The following AGBL4 variants were observed in gnomAD, a reference collection of about 807,000 sequenced individuals.
AGBL4 encodes AGBL carboxypeptidase 4, also known as cytosolic carboxypeptidase 6.
AGBL4 carries 58 observed loss-of-function variants against 66.4 expected under a neutral mutation model. The ratio of observed to expected loss-of-function variants is 0.87; its 90% CI spans 0.71 to 1.09. The LOEUF (loss-of-function observed/expected upper bound fraction) is 1.09, where lower values mean the gene tolerates loss of function less well. AGBL4 is among the 50% of genes least tolerant of loss of function. The pLI is 0.00. For missense variants in AGBL4, 579 were observed against 631.0 expected (o/e 0.92, Z 0.88); for synonymous variants, 234 against 222.9 (o/e 1.05, Z -0.44).
intron 1 of AGBL4, among the ~76,000 whole-genome samples, chr1:49,964,655 C>G (rs997149026): frequency 1.3e-5 from 2 of 151,950 alleles, no homozygotes; most frequent in African/African-American, 4.8e-5. Context: ...ACTACTTAAA[C>G]AGTAGATAAT....
chr1:49,773,267 C>T (rs1322936099), intron 2 of AGBL4, among the ~76,000 whole-genome samples: 1 of 152,096 alleles, frequency 6.6e-6, no homozygotes, highest in African/African-American at 2.4e-5. Context: ...TTGTCCTTAT[C>T]GTCTTGTTAG....
chr1:49,012,044 A>T (rs1331059027), intron 5 of AGBL4, among the ~76,000 whole-genome samples: 4 of 151,698 alleles, frequency 2.6e-5, no homozygotes, highest in African/African-American at 9.7e-5. Flanking sequence ...TAAAAGAAAA[A>T]AAAAAGCTAC....
chr1:48,687,504 G>C (rs892736968), intron 6 of AGBL4, among the ~76,000 whole-genome samples: 2 of 152,162 alleles, frequency 1.3e-5, no homozygotes, highest in Non-Finnish European at 2.9e-5. Flanking sequence ...CAGAGAAATC[G>C]TGGAGGCAGG....
chr1:48,717,751 T>C (rs1213545983), intron 6 of AGBL4, among the ~76,000 whole-genome samples: 1 of 152,166 alleles, frequency 6.6e-6, no homozygotes, highest in Non-Finnish European at 1.5e-5. Flanking sequence ...ACTAGAGGCA[T>C]TGAGGCTTTG....
intron 3 of AGBL4, among the ~76,000 whole-genome samples, chr1:49,507,208 A>C (rs528907633): frequency 1.3e-5 from 2 of 152,018 alleles, no homozygotes; most frequent in African/African-American, 4.8e-5. Context: ...TAGCCATACC[A>C]GCATCCCAGC....
intron 2 of AGBL4, among the ~76,000 whole-genome samples, chr1:49,749,464 C>T (rs1034029394): frequency 6.6e-6 from 1 of 152,102 alleles, no homozygotes; most frequent in African/African-American, 2.4e-5. Context: ...TCCTTATTAA[C>T]AGATTATAGT....
intron 1 of AGBL4, among the ~76,000 whole-genome samples, chr1:49,959,014 A>AT (rs773326692): frequency 1.6e-4 from 24 of 151,008 alleles, no homozygotes; most frequent in Admixed American, 8.0e-4. Context: ...GCAGCCCAAG[A>AT]TAAAAAAAAA....
At chr1:49,575,212 C>G (rs1324227939) in intron 3 of AGBL4, among the ~76,000 whole-genome samples, 1 of 152,164 alleles carries the variant, frequency 6.6e-6, no homozygotes, top group African/African-American at 2.4e-5. Flanking sequence ...TCATTGTCAT[C>G]CTCCAGTTAA....
At position 49,169,271 on chromosome 1, in the gene AGBL4, A is replaced by T. The variant is rs145173685; in HGVS notation, c.377+76499T>A. Among the ~76,000 whole-genome samples the T allele has an allele frequency of 1.3e-4, 20 of 152,244 alleles. No homozygotes were observed. In the East Asian group the frequency reaches 3.9e-3, roughly 29 times the overall value. On this transcript the variant is annotated intron_variant, in intron 4 of 13. Coordinates refer to ENST00000371839, the MANE Select transcript of AGBL4 (RefSeq NM_032785.4). ...AGCACAGTACTTACCCTCTGCTCTA[A>T]CTCACAGATTGCCTGGCCAGTTAAA...
intron 4 of AGBL4, among the ~76,000 whole-genome samples, chr1:49,213,968 T>G (rs1375377862): frequency 3.3e-5 from 5 of 152,150 alleles, no homozygotes; most frequent in African/African-American, 1.2e-4. Flanking sequence ...TTAAGTTTAA[T>G]TTACTTTGTA....
intron 3 of AGBL4, among the ~76,000 whole-genome samples, chr1:49,668,524 C>A (rs1646412288): frequency 6.6e-6 from 1 of 152,146 alleles, no homozygotes; most frequent in African/African-American, 2.4e-5. Flanking sequence ...ATTTGTCTTT[C>A]CTCTACCTGC....
rs1010602912 is a variant in AGBL4 at position 49,899,122 on chromosome 1, G to C, written c.35-47604C>G. 2.0e-5 allele frequency among the ~76,000 whole-genome samples: 3 copies of C among 152,136 alleles called. No homozygotes were observed. The South Asian group carries it at 6.2e-4, about 32-fold the overall frequency. On this transcript the variant is annotated intron_variant, in intron 1 of 13. Transcript: ENST00000371839. The stretch of plus-strand genomic sequence containing the variant: ...ATTGCACATTTAAAAATAACTAAAA[G>C]AGTGTAATTGGATTGTTTGTAATAC...
chr1:49,730,259 C>T (rs530634563), intron 2 of AGBL4, among the ~76,000 whole-genome samples: 17 of 152,154 alleles, frequency 1.1e-4, no homozygotes, highest in South Asian at 1.0e-3. Flanking sequence ...TTCTTGGTCA[C>T]GGGACAAGAA....
intron 6 of AGBL4, among the ~76,000 whole-genome samples, chr1:48,837,711 C>CACTATATATATA (rs1471719980): frequency 8.5e-5 from 7 of 82,312 alleles, no homozygotes; most frequent in African/African-American, 2.2e-4. Flanking sequence ...CACACACACA[C>CACTATATATATA]TATATATATA....
At chr1:50,023,741 C>A in intron 1 of AGBL4, 22 bp downstream of exon 1, 1 of 1,547,028 alleles carries the variant, frequency 6.5e-7, no homozygotes, top group Non-Finnish European at 8.7e-7. Flanking sequence ...CAGCCTTCCC[C>A]AGATCGGCCG....
At chr1:48,858,043 G>A (rs80109971) in intron 6 of AGBL4, among the ~76,000 whole-genome samples, 5,522 of 152,130 alleles carry the variant, frequency 0.036, 340 homozygotes, top group African/African-American at 0.13. Context: ...TTTCTCCATA[G>A]AAGTAATACA....
intron 1 of AGBL4, among the ~76,000 whole-genome samples, chr1:49,910,890 T>C (rs1650755135): frequency 6.6e-6 from 1 of 152,114 alleles, no homozygotes; most frequent in African/African-American, 2.4e-5. Context: ...ACAGAAGAAT[T>C]GCTTGAACCT....
At position 48,736,534 on chromosome 1, in the gene AGBL4, G is replaced by A. The variant is rs576001285; in HGVS notation, c.635-73293C>T. On this transcript the variant is annotated intron_variant, in intron 6 of 13. Coordinates refer to ENST00000371839, the MANE Select transcript of AGBL4 (RefSeq NM_032785.4). The surrounding 1 kb of genome is among the most constrained non-coding windows in gnomAD (Gnocchi z 4.0). ...CTTCTCTTGTCCTTTAAAAAGCATT[G>A]CTGCACAACTGTAAGAGATTCATGT... is the stretch of plus-strand genomic sequence containing the variant. The A allele has an allele frequency of 1.3e-4, 152 of 1,174,750 alleles. 1 individual carries two copies. Among genetic ancestry groups the A allele is most frequent in the Middle Eastern group, 2.8e-4 (1 of 3,628 alleles). 72.8% of individuals were successfully genotyped at this position (1,174,750 alleles called of 1,614,324 possible). A position where few individuals can be genotyped will look rare whatever the true frequency, so the allele number is the denominator to read the frequency against.
At chr1:49,920,235 A>C (rs1475799425) in intron 1 of AGBL4, among the ~76,000 whole-genome samples, 1 of 152,226 alleles carries the variant, frequency 6.6e-6, no homozygotes, top group African/African-American at 2.4e-5. Context: ...CAAAATTGAC[A>C]AATGGGATCT....
Sources: allele counts gnomAD v4.1 joint callset (sites outside exome capture counted in the v4.1 genomes callset), GRCh38; gene constraint gnomAD v4.1.1; non-coding constraint Gnocchi (gnomAD v3.1); transcripts MANE v1.5; gene names NCBI Gene and HGNC (gene_info 2026-07-23, HGNC 2026-07-21).